The following TLE2 variants were observed in gnomAD, a reference collection of about 807,000 sequenced individuals.
TLE2 encodes the protein TLE family member 2, transcriptional corepressor.
Under a neutral mutation model 97.2 loss-of-function variants are expected in TLE2, and 74 were observed. The observed-to-expected ratio is 0.76, with a 90% CI of 0.63 to 0.92. TLE2 has a LOEUF of 0.92. Among genes scored for constraint, TLE2 ranks in the 40% least tolerant of loss-of-function variants. TLE2 has a pLI of 0.00. For synonymous variants in TLE2, 499 were observed against 432.1 expected (o/e 1.15, Z -1.92); for missense variants, 1,038 against 1,008.7 (o/e 1.03, Z -0.39).
Position 3,028,959 on chromosome 19 carries a change from G to C in TLE2, c.-55C>G, listed in dbSNP as rs1397526659. 1.9e-6 allele frequency: 3 copies of C among 1,591,986 alleles called. No individual in the cohort carries two copies. Among genetic ancestry groups the C allele is most frequent in the Non-Finnish European group, 2.6e-6 (3 of 1,170,530 alleles). ...CACCAGAGCTTGATGATATGGAGGC[G>C]GCAAGAGTGGGGGAGGCTGAAGTGG... On this transcript the variant is annotated 5_prime_UTR_variant, in exon 1 of 20. Coordinates refer to ENST00000262953, the MANE Select transcript of TLE2 (RefSeq NM_003260.5).
chr19:2,999,231 G>A (rs1264245801), intron 19 of TLE2, among the ~76,000 whole-genome samples: 1 of 152,020 alleles, frequency 6.6e-6, no homozygotes, highest in African/African-American at 2.4e-5. Context: ...GCAGTGAGCT[G>A]AGATTGCGCC....
chr19:2,998,237 A>ATGTGTGTGTGTGTGTGTGTGTG (rs56398458), intron 19 of TLE2, among the ~76,000 whole-genome samples: 7 of 121,404 alleles, frequency 5.8e-5, no homozygotes, highest in African/African-American at 2.5e-4. Context: ...CGCCCGGCCA[A>ATGTGTGTGTGTGTGTGTGTGTG]TGTGTGTGTG....
chr19:3,029,203 C>T lies in TLE2; in HGVS notation c.-299G>A. 1 of 530,194 alleles carries T rather than the reference C, an allele frequency of 1.9e-6. No homozygotes were observed. The highest frequency in any genetic ancestry group is 2.4e-6 in the Non-Finnish European group (1 of 417,720). The allele number at this position is 530,194 out of a possible 1,614,324, so 32.8% of individuals were successfully genotyped here. A position where few individuals can be genotyped will look rare whatever the true frequency, so the allele number is the denominator to read the frequency against. On this transcript the variant is annotated 5_prime_UTR_variant, in exon 1 of 20. Coordinates refer to ENST00000262953, the MANE Select transcript of TLE2 (RefSeq NM_003260.5). ...GGCAGCCGGCGCAGAAGGTCGGGCG[C>T]GCCGCGGCCGGGTTTCGGTGGCGGC...
At chr19:3,025,212 G>A in intron 4 of TLE2, 130 bp from the exon 5 acceptor site, 10 of 1,114,662 alleles carry the variant, frequency 9.0e-6, no homozygotes, top group Non-Finnish European at 1.3e-5. Flanking sequence ...TGCACAGAGG[G>A]AACTCAGGCT....
At chr19:3,027,964 G>T in intron 3 of TLE2, 91 bp from the exon 4 acceptor site, 1 of 1,304,152 alleles carries the variant, frequency 7.7e-7, no homozygotes, top group Non-Finnish European at 1.1e-6. Flanking sequence ...AGAGTCCCCA[G>T]GTTCAGGGGA....
intron 19 of TLE2, among the ~76,000 whole-genome samples, chr19:2,999,058 G>T (rs2089291569): frequency 6.6e-6 from 1 of 152,152 alleles, no homozygotes; most frequent in Admixed American, 6.5e-5. Context: ...GAGGCAGGTG[G>T]ATCACCTGAG....
intron 1 of TLE2, among the ~76,000 whole-genome samples, chr19:3,038,692 G>C (rs2090078640): frequency 6.6e-6 from 1 of 152,238 alleles, no homozygotes; most frequent in South Asian, 2.1e-4. Context: ...GGGACTACCT[G>C]AGGCCAGAGG....
intron 17 of TLE2, among the ~76,000 whole-genome samples, chr19:3,004,696 G>A (rs987498604): frequency 1.3e-5 from 2 of 151,648 alleles, no homozygotes; most frequent in African/African-American, 4.8e-5. Context: ...CAAATGAGAT[G>A]GGTCTTGAGG....
rs747301891 is a variant in TLE2, at chr19:3,013,686, C to G, written c.856G>C (p.Ala286Pro). The G allele has an allele frequency of 4.2e-6, 6 of 1,442,224 alleles. No homozygotes were observed. Among genetic ancestry groups the G allele is most frequent in the Non-Finnish European group, 5.5e-6 (6 of 1,093,538 alleles). The allele number at this position is 1,442,224 out of a possible 1,614,324, so 89.3% of individuals were successfully genotyped here. A position where few individuals can be genotyped will look rare whatever the true frequency, so the allele number is the denominator to read the frequency against. ...ASSLGSPLPRAKELILNDLPA... is the reference protein window; with the variant it reads ...ASSLGSPLPRPKELILNDLPA... ...CTCCTTACCAGGATGAGCTCCTTGG[C>G]TCTAGGCAGCGGTGAGCCAAGGCTA... The change falls in exon 11 of 20, where the codon GCC (alanine) becomes CCC (proline). Residue 286 changes from alanine (A) to proline (P), a missense_variant. Transcript: ENST00000262953.
At chr19:3,021,224 G>A (rs1053707718) in intron 5 of TLE2, among the ~76,000 whole-genome samples, 14 of 151,070 alleles carry the variant, frequency 9.3e-5, no homozygotes, top group African/African-American at 1.5e-4. Context: ...GACCAAGATG[G>A]TGAAACCCCA....
intron 7 of TLE2, among the ~76,000 whole-genome samples, chr19:3,018,322 G>A (rs548741806): frequency 6.7e-6 from 1 of 148,276 alleles, no homozygotes; most frequent in Non-Finnish European, 1.5e-5. Flanking sequence ...ATTTATTTAT[G>A]AATGAGACAG....
chr19:3,046,454 A>G (rs920992587), upstream of TLE2, among the ~76,000 whole-genome samples: 4 of 152,046 alleles, frequency 2.6e-5, no homozygotes, highest in Non-Finnish European at 5.9e-5. Context: ...GGGATGGGGA[A>G]GGGGGATTCT....
rs373306796 is a variant in TLE2, at chr19:3,019,308, C to T, written c.525G>A (p.Ala175=). The T allele has an allele frequency of 1.6e-4, 259 of 1,577,616 alleles. No homozygotes were observed. The African/African-American group carries it at 2.1e-3, about 13-fold the overall frequency. ...QLAAAVKEDR[A]GVEAEGSRVE... is the part of the protein sequence containing the mutation. Reference sequence around the variant, plus strand: ...CTCTGGACCCCTCGGCCTCCACGCCCGCACGGTCCTCCTTGACAGCCGCCG... The same window carrying T: ...CTCTGGACCCCTCGGCCTCCACGCCTGCACGGTCCTCCTTGACAGCCGCCG... The change falls in exon 7 of 20, where the codon GCG becomes GCA. Residue 175 remains alanine, a synonymous_variant. Transcript: ENST00000262953. The surrounding 1 kb of genome is among the most constrained non-coding windows in gnomAD (Gnocchi z 5.1).
chr19:3,001,580 G>A (rs971745184), intron 18 of TLE2, among the ~76,000 whole-genome samples: 3 of 151,922 alleles, frequency 2.0e-5, no homozygotes, highest in East Asian at 1.9e-4. Context: ...CAAAGTCCTG[G>A]GCTCAAGCAA....
chr19:3,013,715 G>T lies in TLE2; in HGVS notation c.827C>A (p.Ala276Asp). 1 of 1,536,800 alleles carries T rather than the reference G, an allele frequency of 6.5e-7. No homozygotes were observed. Among genetic ancestry groups the T allele is most frequent in the South Asian group, 1.3e-5 (1 of 78,706 alleles). ...RDLVDSPASL[A>D]SSLGSPLPRA... ...AGGCAGCGGTGAGCCAAGGCTAGAGGCCAAGGAGGCTGGACTGTCCACCAG... is the reference window on the plus strand; with the variant it reads ...AGGCAGCGGTGAGCCAAGGCTAGAGTCCAAGGAGGCTGGACTGTCCACCAG... The change falls in exon 11 of 20, where the codon GCC becomes GAC. Residue 276 changes from alanine (A) to aspartate (D), a missense_variant. By Grantham distance (126) the Ala-to-Asp change is moderately radical. Transcript: ENST00000262953.
intron 10 of TLE2, among the ~76,000 whole-genome samples, chr19:3,014,323 G>T (rs1265100743): frequency 1.3e-5 from 2 of 152,142 alleles, no homozygotes; most frequent in Non-Finnish European, 2.9e-5. Flanking sequence ...GGAAAAGTGA[G>T]GCCAGGGAAG....
intron 19 of TLE2, among the ~76,000 whole-genome samples, chr19:3,000,361 G>A (rs573919313): frequency 1.3e-5 from 2 of 152,010 alleles, no homozygotes; most frequent in African/African-American, 2.4e-5. Flanking sequence ...AGGCATGAGC[G>A]ACCGTGCCCG....
At chr19:3,018,417 C>T (rs903902945) in intron 7 of TLE2, among the ~76,000 whole-genome samples, 3 of 151,780 alleles carry the variant, frequency 2.0e-5, no homozygotes, top group Non-Finnish European at 4.4e-5. Context: ...CTCAGCCTCC[C>T]GAGTAGCTCA....
intron 1 of TLE2, among the ~76,000 whole-genome samples, chr19:3,034,425 CCAG>C: frequency 6.6e-6 from 1 of 151,834 alleles, no homozygotes; most frequent in East Asian, 1.9e-4. Flanking sequence ...CCTGCCCCAG[CCAG>C]CTTCACCTTC....
Sources: gnomAD v4.1 joint callset for allele counts (sites outside exome capture counted in the v4.1 genomes callset) on GRCh38, gnomAD v4.1.1 for gene constraint, Gnocchi (gnomAD v3.1) non-coding constraint, MANE v1.5 for transcripts, NCBI Gene and HGNC (gene_info 2026-07-23, HGNC 2026-07-21) for gene names.